The following TCIRG1 variants were observed in gnomAD, a reference collection of about 807,000 sequenced individuals.
TCIRG1 encodes the protein T cell immune regulator 1, ATPase H+ transporting V0 subunit a3, also known as V-type proton ATPase 116 kDa subunit a 3.
TCIRG1 carries 86 observed loss-of-function variants against 95.5 expected under a neutral mutation model. The ratio of observed to expected loss-of-function variants is 0.90; its 90% CI spans 0.76 to 1.08. TCIRG1 has a LOEUF of 1.08. TCIRG1 is among the 50% of genes least tolerant of loss of function. The pLI, the probability that TCIRG1 is intolerant of heterozygous loss-of-function variation, is 0.00. For missense variants in TCIRG1, 1,069 were observed against 1,140.2 expected (o/e 0.94, Z 0.90); for synonymous variants, 499 against 501.3 (o/e 1.00, Z 0.06).
rs375396658 is a variant in TCIRG1, at chr11:68,040,911, G to T, written c.-4-357G>T. On this transcript the variant is annotated intron_variant, in intron 1 of 19. Coordinates refer to ENST00000265686, the MANE Select transcript of TCIRG1 (RefSeq NM_006019.4). ...GGGCCTAAGTGCCTGGGCCAGTGGG[G>T]TCCTGTCTAGGGTGACGGCAGCCCG... 3.0e-3 allele frequency among the ~76,000 whole-genome samples: 458 copies of T among 152,324 alleles called. 2 individuals are homozygous for T. Among genetic ancestry groups the T allele is most frequent in the African/African-American group, 0.01 (431 of 41,580 alleles).
intron 3 of TCIRG1, 34 bp downstream of exon 3, chr11:68,041,865 C>T (rs1565153272): frequency 6.4e-7 from 1 of 1,567,594 alleles, no homozygotes; most frequent in Admixed American, 1.8e-5. Context: ...TCCAGGCAGG[C>T]TTCCTGGAGG....
rs765503528 is a variant in TCIRG1, at chr11:68,049,872, A to G, written c.2013+84A>G. The G allele has an allele frequency of 1.2e-4, 194 of 1,556,216 alleles. 2 individuals are homozygous for G. Among genetic ancestry groups the G allele is most frequent in the Middle Eastern group, 1.1e-3 (5 of 4,414 alleles). On this transcript the variant is annotated intron_variant, in intron 16 of 19. Coordinates refer to ENST00000265686, the MANE Select transcript of TCIRG1 (RefSeq NM_006019.4). ...TGTCCCTGACTCCTCGCTTCCTGAC[A>G]GACTCCTGAGTGGCCAGGAGCAGGC... is the stretch of plus-strand genomic sequence containing the variant.
At chr11:68,045,556 CT>C (rs111244178) in intron 10 of TCIRG1, among the ~76,000 whole-genome samples, 619 of 141,740 alleles carry the variant, frequency 4.4e-3, no homozygotes, top group Middle Eastern at 0.015. Context: ...GGTTGCACAG[CT>C]TTTTTTTTTT....
At chr11:68,051,021 T>C, downstream of TCIRG1, 3 of 642,144 alleles carry the variant, frequency 4.7e-6, no homozygotes, top group Non-Finnish European at 8.2e-6. Context: ...AATGTCAGAC[T>C]CTTGGGGTGA....
At chr11:68,049,532 G>A (rs1002554918) in intron 15 of TCIRG1, 131 bp from the exon 16 acceptor site, 4 of 1,307,134 alleles carry the variant, frequency 3.1e-6, no homozygotes, top group Admixed American at 2.0e-5. Context: ...CCCAGTGAGG[G>A]CACGGAGCCC....
intron 10 of TCIRG1, among the ~76,000 whole-genome samples, chr11:68,045,894 G>C (rs2134448027): frequency 6.6e-6 from 1 of 152,262 alleles, no homozygotes; most frequent in Admixed American, 6.5e-5. Context: ...TCCCGACATG[G>C]GCTCCACCAC....
Position 68,047,632 on chromosome 11 carries a change from C to G in TCIRG1, c.1306-15C>G. On this transcript the variant is annotated splice_polypyrimidine_tract_variant and intron_variant, in intron 11 of 19. Transcript: ENST00000265686. ...CAGGGCCAGGCAGCCCCTCACCACA[C>G]CACTGCCCCCCCAGATCTGGCAGAC... 1 of 1,613,118 alleles carries G rather than the reference C, an allele frequency of 6.2e-7. No individual in the cohort carries two copies. Among genetic ancestry groups the G allele is most frequent in the Non-Finnish European group, 8.5e-7 (1 of 1,179,994 alleles).
At chr11:68,051,886 CGTG>C (rs1413397046), downstream of TCIRG1, among the ~76,000 whole-genome samples, 1 of 152,112 alleles carries the variant, frequency 6.6e-6, no homozygotes, top group African/African-American at 2.4e-5. Context: ...GAGCAGCACT[CGTG>C]GTGAGTGGCC....
rs1384016071 is a variant in TCIRG1 at position 68,044,308 on chromosome 11, C to G, written c.984C>G (p.Asp328Glu). The G allele has an allele frequency of 6.2e-7, 1 of 1,600,080 alleles. No individual in the cohort carries two copies. The highest frequency in any genetic ancestry group is 1.1e-5 in the South Asian group (1 of 88,732). ...LIAEAWCSVR[D>E]LPALQEALRD... ...CCGAGGCCTGGTGCTCTGTGCGAGA[C>G]CTGCCCGCCCTGCAGGAGGCCCTGC... The change falls in exon 9 of 20, where the codon GAC (aspartate) becomes GAG (glutamate). Residue 328 changes from aspartate to glutamate, a missense_variant. Coordinates refer to ENST00000265686, the MANE Select transcript of TCIRG1 (RefSeq NM_006019.4).
At chr11:68,044,716 T>C (rs754409084) in intron 9 of TCIRG1, 19 of 609,700 alleles carry the variant, frequency 3.1e-5, no homozygotes, top group Non-Finnish European at 4.9e-5. Flanking sequence ...CTGGGCTCCT[T>C]CTCCTGGGCC....
chr11:68,043,225 G>A (rs988148934), intron 5 of TCIRG1, 146 bp from the exon 6 acceptor site: 144 of 1,474,890 alleles, frequency 9.8e-5, no homozygotes, highest in African/African-American at 4.8e-4. Context: ...GGTCCTGCCC[G>A]GGAGGCCTCC....
chr11:68,048,776 G>C, intron 13 of TCIRG1, 103 bp from the exon 14 acceptor site: 1 of 921,732 alleles, frequency 1.1e-6, no homozygotes, highest in Non-Finnish European at 1.8e-6. Flanking sequence ...TGCAGGCTCC[G>C]AGGGGGAAAA....
chr11:68,041,662 A>C, intron 2 of TCIRG1, 91 bp from the exon 3 acceptor site: 1 of 1,100,710 alleles, frequency 9.1e-7, no homozygotes, highest in Non-Finnish European at 1.3e-6. Flanking sequence ...GGAGGCAGCT[A>C]AGGCCTGGGG....
intron 1 of TCIRG1, among the ~76,000 whole-genome samples, chr11:68,040,727 G>A (rs963235099): frequency 2.3e-4 from 35 of 152,212 alleles, no homozygotes; most frequent in African/African-American, 3.9e-4. Flanking sequence ...GGAAGGCTGC[G>A]GCTGCTGCCG....
At chr11:68,051,991 G>C (rs184074994), downstream of TCIRG1, 140 of 152,884 alleles carry the variant, frequency 9.2e-4, 1 homozygote, top group African/African-American at 3.0e-3. Flanking sequence ...CCTGGCAGTG[G>C]TGGCTAGAGA....
rs1283493088 is a variant in TCIRG1, at chr11:68,043,819, A to G, written c.719A>G (p.His240Arg). Residue 240 changes from histidine to arginine, a missense_variant, in exon 8 of 20, where the codon CAC becomes CGC. Physicochemically the swap from His to Arg is conservative, Grantham distance 29. Coordinates refer to ENST00000265686, the MANE Select transcript of TCIRG1 (RefSeq NM_006019.4). ...GCAGCGCATCCTCCCTCCAGCTTCC[A>G]CTGCCACGTCTTCCCGTTTCTGCAG... ...QKIRKITDCF[H>R]CHVFPFLQQE... The G allele has an allele frequency of 9.6e-6, 15 of 1,562,506 alleles. No individual in the cohort carries two copies. The highest frequency in any genetic ancestry group is 4.8e-5 in the East Asian group (2 of 42,068).
At chr11:68,039,213 T>A (rs1450382714) in intron 1 of TCIRG1, 94 bp downstream of exon 1, 1 of 152,134 alleles carries the variant, frequency 6.6e-6, no homozygotes, top group African/African-American at 2.4e-5. Context: ...CCCCACCCAG[T>A]TGGCTCCGTG....
At chr11:68,044,902 CA>C in intron 9 of TCIRG1, 55 bp from the exon 10 acceptor site, 1 of 1,599,990 alleles carries the variant, frequency 6.3e-7, no homozygotes. Flanking sequence ...CTGGAGATCC[CA>C]GGGTCCCTGA....
chr11:68,047,068 T>G (rs917613987), intron 10 of TCIRG1: 2 of 365,166 alleles, frequency 5.5e-6, no homozygotes, highest in Non-Finnish European at 1.0e-5. Context: ...TGGAGTGCAG[T>G]GGCGCGAGCT....
Sources: allele counts gnomAD v4.1 joint callset (sites outside exome capture counted in the v4.1 genomes callset), GRCh38; gene constraint gnomAD v4.1.1; transcripts MANE v1.5; gene names NCBI Gene and HGNC (gene_info 2026-07-23, HGNC 2026-07-21).